Variants in DLG5 observed in about 807,000 individuals in gnomAD.
The protein encoded by DLG5 is disks large homolog 5.
DLG5 carries 48 observed loss-of-function variants against 189.8 expected under a neutral mutation model. The observed-to-expected ratio is 0.25, with a 90% CI of 0.20 to 0.32. The LOEUF (loss-of-function observed/expected upper bound fraction) is 0.32, where lower values mean the gene tolerates loss of function less well. Among genes scored for constraint, DLG5 ranks in the 10% least tolerant of loss-of-function variants. The pLI is 1.00. For synonymous variants in DLG5, 1,016 were observed against 1,054.1 expected (o/e 0.96, Z 0.70); for missense variants, 2,160 against 2,544.7 (o/e 0.85, Z 3.25).
chr10:77,835,318 C>T (rs1843071609), intron 8 of DLG5, among the ~76,000 whole-genome samples: 1 of 152,200 alleles, frequency 6.6e-6, no homozygotes, highest in South Asian at 2.1e-4. Flanking sequence ...ATCTTCCTCC[C>T]TCACTGCCGT....
chr10:77,866,778 C>T lies in DLG5; in HGVS notation c.373+2351G>A, dbSNP rs1002171290. The T allele has an allele frequency of 2.2e-5, 8 of 358,586 alleles. No individual in the cohort carries two copies. The East Asian group carries it at 5.2e-4, about 23-fold the overall frequency. The allele number at this position is 358,586 out of a possible 1,614,324, so 22.2% of individuals were successfully genotyped here. On this transcript the variant is annotated intron_variant, in intron 2 of 31. Coordinates refer to ENST00000372391, the MANE Select transcript of DLG5 (RefSeq NM_004747.4). ...AGCTGCATCCCCATGTACTGGCTGACCTCAGCACAGCCTCATATGGGAGCT... is the reference window on the plus strand; with the variant it reads ...AGCTGCATCCCCATGTACTGGCTGATCTCAGCACAGCCTCATATGGGAGCT...
chr10:77,846,199 C>T (rs1843682993), intron 5 of DLG5, among the ~76,000 whole-genome samples: 1 of 150,836 alleles, frequency 6.6e-6, no homozygotes, highest in Admixed American at 6.6e-5. Flanking sequence ...GAGCCGAGAT[C>T]ACGCCATGGC....
chr10:77,821,613 C>G lies in DLG5; in HGVS notation c.2871G>C (p.Val957=). The change falls in exon 15 of 32, where the codon GTG becomes GTC. Residue 957 remains valine (V), a synonymous_variant. Transcript: ENST00000372391. The part of the protein sequence containing the change: ...WPKAMLSSTA[V]PEKLSVYKKP... ...TTTTATAAACAGAGAGCTTCTCAGG[C>G]ACTGCCGTGGAGCTGAGCATGGCCT... 6.2e-7 allele frequency: 1 copy of G among 1,613,154 alleles called. No homozygotes were observed. Among genetic ancestry groups the G allele is most frequent in the East Asian group, 2.2e-5 (1 of 44,876 alleles).
intron 1 of DLG5, among the ~76,000 whole-genome samples, chr10:77,873,431 C>T (rs1277973398): frequency 6.6e-6 from 1 of 152,088 alleles, no homozygotes; most frequent in Admixed American, 6.5e-5. Flanking sequence ...CCTGGTGACC[C>T]TCTGGGACTG....
rs1326916019 is a variant in DLG5 at position 77,821,293 on chromosome 10, G to A, written c.3191C>T (p.Ser1064Leu). The part of the protein sequence containing the change: ...DVDPGEPMHA[S>L]PPRKARVRIA... The stretch of plus-strand genomic sequence containing the variant: ...GCGGACCCTGGCCTTGCGAGGGGGT[G>A]ATGCGTGCATGGGCTCCCCGGGGTC... Residue 1064 changes from serine (S) to leucine (L), a missense_variant, in exon 15 of 32, where the codon TCA (serine) becomes TTA (leucine). Transcript: ENST00000372391. 1 of 1,613,678 alleles carries A rather than the reference G, an allele frequency of 6.2e-7. No homozygotes were observed. Among genetic ancestry groups the A allele is most frequent in the Non-Finnish European group, 8.5e-7 (1 of 1,180,038 alleles).
chr10:77,806,183 G>A, intron 26 of DLG5: 1 of 348,624 alleles, frequency 2.9e-6, no homozygotes, highest in Non-Finnish European at 5.2e-6. Flanking sequence ...TGCCATAGAA[G>A]GGAAATGATG....
At chr10:77,825,858 G>C (rs531109645) in intron 13 of DLG5, among the ~76,000 whole-genome samples, 1 of 152,212 alleles carries the variant, frequency 6.6e-6, no homozygotes, top group Admixed American at 6.5e-5. Flanking sequence ...TGCCCGGCCA[G>C]TCAAGTTTTC....
chr10:77,829,343 C>A lies in DLG5; in HGVS notation c.2185+12G>T, dbSNP rs761705568. 2.5e-6 allele frequency: 4 copies of A among 1,613,170 alleles called. No individual in the cohort carries two copies. Among genetic ancestry groups the A allele is most frequent in the Non-Finnish European group, 3.4e-6 (4 of 1,180,022 alleles). On this transcript the variant is annotated intron_variant, in intron 12 of 31. Transcript: ENST00000372391. ...CACCTGAGGCACTCTGCCATGTTCACAGGCCCGCTACCTTTCTGTCCACTG... is the reference window on the plus strand; with the variant it reads ...CACCTGAGGCACTCTGCCATGTTCAAAGGCCCGCTACCTTTCTGTCCACTG...
intron 1 of DLG5, among the ~76,000 whole-genome samples, chr10:77,882,486 A>G (rs1040152638): frequency 4.6e-5 from 7 of 152,086 alleles, no homozygotes; most frequent in Non-Finnish European, 5.9e-5. Context: ...AATCTTTCCC[A>G]GTCTTCCTTC....
chr10:77,881,438 G>A (rs1431230550), intron 1 of DLG5, among the ~76,000 whole-genome samples: 1 of 152,144 alleles, frequency 6.6e-6, no homozygotes, highest in African/African-American at 2.4e-5. Flanking sequence ...AAGGAAAAAA[G>A]GGAAGCATGA....
intron 1 of DLG5, among the ~76,000 whole-genome samples, chr10:77,888,421 G>A (rs1465445120): frequency 6.6e-6 from 1 of 152,134 alleles, no homozygotes; most frequent in Non-Finnish European, 1.5e-5. Flanking sequence ...GAGGAAAATG[G>A]TAGCAAAGAA....
intron 2 of DLG5, among the ~76,000 whole-genome samples, chr10:77,857,319 G>A (rs912099444): frequency 1.3e-5 from 2 of 152,194 alleles, no homozygotes; most frequent in Non-Finnish European, 2.9e-5. Flanking sequence ...GGCATGGCTC[G>A]AGGAGAAAGG....
the DLG5 span, among the ~76,000 whole-genome samples, chr10:77,938,473 A>T: frequency 6.6e-6 from 1 of 152,116 alleles, no homozygotes; most frequent in Non-Finnish European, 1.5e-5. Context: ...TTGTTGAAAG[A>T]ATGAATTAGG....
At chr10:77,890,092 A>T (rs1365319407) in intron 1 of DLG5, among the ~76,000 whole-genome samples, 2 of 152,236 alleles carry the variant, frequency 1.3e-5, no homozygotes. Flanking sequence ...AGAAGAAAAA[A>T]AATACAACAT....
At chr10:77,855,485 C>T (rs1360502427) in intron 3 of DLG5, among the ~76,000 whole-genome samples, 1 of 152,246 alleles carries the variant, frequency 6.6e-6, no homozygotes, top group Non-Finnish European at 1.5e-5. Context: ...GCTTTGCACA[C>T]TACATAGTTT....
intron 2 of DLG5, among the ~76,000 whole-genome samples, chr10:77,863,426 T>C (rs1844550245): frequency 1.3e-5 from 2 of 152,164 alleles, no homozygotes; most frequent in Non-Finnish European, 2.9e-5. Context: ...CAAACTGTGA[T>C]GCCCTGAATG....
chr10:77,915,110 C>T (rs1846322029), intron 1 of DLG5, among the ~76,000 whole-genome samples: 1 of 152,070 alleles, frequency 6.6e-6, no homozygotes, highest in Non-Finnish European at 1.5e-5. Flanking sequence ...AGGTGGATCA[C>T]GAGGTCAGGA....
chr10:77,811,843 G>C (rs922709676), intron 22 of DLG5, 81 bp downstream of exon 22: 161 of 1,478,306 alleles, frequency 1.1e-4, no homozygotes, highest in Non-Finnish European at 1.4e-4. Context: ...TGGCACCCTG[G>C]GTCTCCCTAA....
At chr10:77,902,792 G>A (rs545165371) in intron 1 of DLG5, among the ~76,000 whole-genome samples, 12 of 151,854 alleles carry the variant, frequency 7.9e-5, no homozygotes, top group African/African-American at 2.2e-4. Flanking sequence ...CCCAGCAGGC[G>A]GAGCTTGCAG....
Sources: gnomAD v4.1 joint callset for allele counts (sites outside exome capture counted in the v4.1 genomes callset) on GRCh38, gnomAD v4.1.1 for gene constraint, MANE v1.5 for transcripts, NCBI Gene and HGNC (gene_info 2026-07-23, HGNC 2026-07-21) for gene names.